The following CERS6 variants were observed in gnomAD, a reference collection of about 807,000 sequenced individuals.
The protein encoded by CERS6 is LAG1 homolog, ceramide synthase 6.
CERS6 carries 26 observed loss-of-function variants against 56.8 expected under a neutral mutation model. That is an observed-to-expected ratio of 0.46 (90% CI 0.34 to 0.63). The LOEUF (loss-of-function observed/expected upper bound fraction) is 0.63. CERS6 is among the 30% of genes least tolerant of loss of function. CERS6 has a pLI of 0.01. For missense variants in CERS6, 415 were observed against 467.5 expected, an observed-to-expected ratio of 0.89 and a Z score of 1.04; for synonymous variants, 164 against 173.3, an observed-to-expected ratio of 0.95 and a Z score of 0.42.
At position 168,766,205 on chromosome 2, in the gene CERS6, C is replaced by G. The variant is rs1042039669; in HGVS notation, c.1002+457C>G. 7 of 888,972 alleles carry G rather than the reference C, an allele frequency of 7.9e-6. No individual in the cohort carries two copies. In the South Asian group the frequency reaches 8.3e-5, roughly 11 times the overall value. The allele number at this position is 888,972 out of a possible 1,614,324, so 55.1% of individuals were successfully genotyped here. A position where few individuals can be genotyped will look rare whatever the true frequency, so the allele number is the denominator to read the frequency against. ...GTTAAAAGTGGACTTGAGGTTGATTCGAATAAAGCTTCCTAAGCCTCAGCC... is the reference window on the plus strand; with the variant it reads ...GTTAAAAGTGGACTTGAGGTTGATTGGAATAAAGCTTCCTAAGCCTCAGCC... On this transcript the variant is annotated intron_variant, in intron 9 of 9. Coordinates refer to ENST00000305747, the MANE Select transcript of CERS6 (RefSeq NM_203463.3).
intron 1 of CERS6, among the ~76,000 whole-genome samples, chr2:168,464,174 T>TGTGTGTG (rs1573999569): frequency 0.034 from 4,810 of 139,742 alleles, 111 homozygotes; most frequent in East Asian, 0.075. Context: ...TTTATACTTT[T>TGTGTGTG]TGTGTGTGTG....
intron 3 of CERS6, among the ~76,000 whole-genome samples, chr2:168,590,394 A>G (rs553262880): frequency 2.0e-5 from 3 of 152,320 alleles, no homozygotes; most frequent in East Asian, 3.9e-4. Flanking sequence ...GAAATAAACT[A>G]TCAGACTTAT....
intron 8 of CERS6, among the ~76,000 whole-genome samples, chr2:168,722,211 T>A (rs150018828): frequency 6.6e-6 from 1 of 152,188 alleles, no homozygotes; most frequent in African/African-American, 2.4e-5. Context: ...GATATATAAT[T>A]TGCAAATGTT....
At chr2:168,721,694 T>C (rs913098605) in intron 8 of CERS6, among the ~76,000 whole-genome samples, 89 of 151,512 alleles carry the variant, frequency 5.9e-4, no homozygotes, top group African/African-American at 2.1e-3. Flanking sequence ...TCATAGCTCA[T>C]TGCAGCCTTG....
chr2:168,470,347 G>A (rs1315064290), intron 1 of CERS6, among the ~76,000 whole-genome samples: 2 of 152,042 alleles, frequency 1.3e-5, no homozygotes, highest in East Asian at 3.9e-4. Context: ...TGCACCATAA[G>A]AAATGGCTTC....
chr2:168,573,605 G>A (rs1208923490), intron 3 of CERS6, among the ~76,000 whole-genome samples: 1 of 152,124 alleles, frequency 6.6e-6, no homozygotes, highest in African/African-American at 2.4e-5. Flanking sequence ...GCCTTGCAGT[G>A]TTTATCATTG....
At chr2:168,545,454 G>T (rs779273585) in intron 1 of CERS6, among the ~76,000 whole-genome samples, 48 of 151,948 alleles carry the variant, frequency 3.2e-4, no homozygotes, top group Non-Finnish European at 5.6e-4. Context: ...AGCTTAAAAA[G>T]AGAAGGAGAG....
chr2:168,623,645 C>T (rs1684524783), intron 3 of CERS6, among the ~76,000 whole-genome samples: 1 of 152,160 alleles, frequency 6.6e-6, no homozygotes. Flanking sequence ...CAAAATTTCA[C>T]CAATCTACCT....
At chr2:168,468,702 C>T (rs1011064335) in intron 1 of CERS6, among the ~76,000 whole-genome samples, 1 of 152,150 alleles carries the variant, frequency 6.6e-6, no homozygotes, top group Non-Finnish European at 1.5e-5. Flanking sequence ...TACCATAGAC[C>T]TCTTTCCTGC....
intron 8 of CERS6, among the ~76,000 whole-genome samples, chr2:168,720,387 C>T (rs1366945615): frequency 6.6e-6 from 1 of 152,172 alleles, no homozygotes; most frequent in African/African-American, 2.4e-5. Context: ...AGTAGCCACA[C>T]GTGCCTAGCT....
chr2:168,700,108 G>GGTCTT (rs78539678), intron 6 of CERS6, among the ~76,000 whole-genome samples: 5,071 of 152,304 alleles, frequency 0.033, 116 homozygotes, highest in East Asian at 0.14. Flanking sequence ...AAACCCGAGA[G>GGTCTT]AAACACTACA....
intron 8 of CERS6, among the ~76,000 whole-genome samples, chr2:168,747,681 C>T (rs907191733): frequency 3.9e-5 from 6 of 151,914 alleles, no homozygotes; most frequent in Non-Finnish European, 8.8e-5. Flanking sequence ...TATATTTGAT[C>T]ATATAGTTTA....
In CERS6 at chr2:168,769,845, C is replaced by G. The variant is rs1357444389; in HGVS notation, c.*183C>G. 1.5e-5 allele frequency: 9 copies of G among 606,156 alleles called. No homozygotes were observed. The highest frequency in any genetic ancestry group is 1.5e-4 in the South Asian group (7 of 47,396). The allele number at this position is 606,156 out of a possible 1,614,324, so 37.5% of individuals were successfully genotyped here. A position where few individuals can be genotyped will look rare whatever the true frequency, so the allele number is the denominator to read the frequency against. On this transcript the variant is annotated 3_prime_UTR_variant, in exon 10 of 10. Transcript: ENST00000305747. ...GTGAATGAAGAAGAATTACCATTCT[C>G]TCTTTGTAGGCATGCTGTATGTAAT...
intron 8 of CERS6, among the ~76,000 whole-genome samples, chr2:168,760,495 G>A (rs771455632): frequency 1.3e-5 from 2 of 152,060 alleles, no homozygotes; most frequent in Non-Finnish European, 2.9e-5. Context: ...CACAGACCCA[G>A]GATAAATACT....
intron 6 of CERS6, among the ~76,000 whole-genome samples, chr2:168,710,502 G>T (rs3845723): frequency 0.5 from 75,688 of 151,952 alleles, 19,355 homozygotes; most frequent in South Asian, 0.56. Flanking sequence ...TTTGATTATG[G>T]TTAGGAAACA....
rs925697976 is a variant in CERS6, at chr2:168,487,856, C to T, written c.170+31238C>T. ...CTGCCTCAGCCTCCAGGTAGCTGGG[C>T]GACGTGTGTGCCATGACATCCAGTT... On this transcript the variant is annotated intron_variant, in intron 1 of 9. Coordinates refer to ENST00000305747, the MANE Select transcript of CERS6 (RefSeq NM_203463.3). Among the ~76,000 whole-genome samples the T allele has an allele frequency of 2.7e-4, 41 of 152,028 alleles. 1 individual carries two copies. The highest frequency in any genetic ancestry group is 1.7e-4 in the African/African-American group (7 of 41,410).
At position 168,769,748 on chromosome 2, in the gene CERS6, T is replaced by C; in HGVS notation, c.*86T>C. 1.4e-6 allele frequency: 2 copies of C among 1,399,852 alleles called. No individual in the cohort carries two copies. Among genetic ancestry groups the C allele is most frequent in the Non-Finnish European group, 2.0e-6 (2 of 1,004,850 alleles). The allele number at this position is 1,399,852 out of a possible 1,614,324, so 86.7% of individuals were successfully genotyped here. On this transcript the variant is annotated 3_prime_UTR_variant, in exon 10 of 10. Transcript: ENST00000305747. ...GTTGCAAATGCAGTTCCTTTCATAATATCTCAGCACCAGAAACAAAAATTA... is the reference window on the plus strand; with the variant it reads ...GTTGCAAATGCAGTTCCTTTCATAACATCTCAGCACCAGAAACAAAAATTA...
chr2:168,621,433 A>G (rs770085903), intron 3 of CERS6, among the ~76,000 whole-genome samples: 2 of 152,240 alleles, frequency 1.3e-5, no homozygotes, highest in Non-Finnish European at 2.9e-5. Flanking sequence ...AAATGAGTGT[A>G]AATAGACTTT....
chr2:168,748,962 C>A (rs545218250), intron 8 of CERS6, among the ~76,000 whole-genome samples: 1 of 151,562 alleles, frequency 6.6e-6, no homozygotes, highest in African/African-American at 2.4e-5. Context: ...TTTCCCACCC[C>A]CTGATTCCTG....
Sources: gnomAD v4.1 joint callset for allele counts (sites outside exome capture counted in the v4.1 genomes callset) on GRCh38, gnomAD v4.1.1 for gene constraint, MANE v1.5 for transcripts, NCBI Gene and HGNC (gene_info 2026-07-23, HGNC 2026-07-21) for gene names.